Variants in HSPA12A observed in about 807,000 individuals in gnomAD.
The protein encoded by HSPA12A is heat shock 70 kDa protein 12A.
HSPA12A carries 28 observed loss-of-function variants against 69.2 expected under a neutral mutation model. The ratio of observed to expected loss-of-function variants is 0.40; its 90% CI spans 0.30 to 0.55. The LOEUF (loss-of-function observed/expected upper bound fraction) is 0.55. Among genes scored for constraint, HSPA12A ranks in the 20% least tolerant of loss-of-function variants. The probability of loss-of-function intolerance (pLI) is 0.38; values close to 1 mark genes in which losing one functional copy is unlikely to be tolerated. For synonymous variants in HSPA12A, 345 were observed against 370.5 expected (o/e 0.93, Z 0.79); for missense variants, 686 against 900.7 (o/e 0.76, Z 3.05).
chr10:116,740,914 C>T lies in HSPA12A; in HGVS notation c.40+1516G>A, dbSNP rs532209405. 2.9e-5 allele frequency among the ~76,000 whole-genome samples: 4 copies of T among 138,864 alleles called. No individual in the cohort carries two copies. The South Asian group carries it at 9.1e-4, about 31-fold the overall frequency. 91.1% of individuals were successfully genotyped at this position (138,864 alleles called of 152,430 possible). A position where few individuals can be genotyped will look rare whatever the true frequency, so the allele number is the denominator to read the frequency against. On this transcript the variant is annotated intron_variant, in intron 1 of 11. Transcript: ENST00000369209. Reference sequence around the variant, plus strand: ...AGGCTTTAGCAATTCAACGCCCCTACTTATCGTCCTAAAAATTTTTTTATT... The same window carrying T: ...AGGCTTTAGCAATTCAACGCCCCTATTTATCGTCCTAAAAATTTTTTTATT...
At chr10:116,676,558 G>T in intron 10 of HSPA12A, 56 bp from the exon 11 acceptor site, 2 of 1,311,482 alleles carry the variant, frequency 1.5e-6, no homozygotes, top group Non-Finnish European at 1.1e-6. Context: ...CGATACCCAG[G>T]CTTATCTGCA....
chr10:116,787,973 C>A (rs1844613579), intron 2 of HSPA12A, among the ~76,000 whole-genome samples: 1 of 151,996 alleles, frequency 6.6e-6, no homozygotes. Flanking sequence ...GCCTGAGGGT[C>A]GGGGATAGGA....
intron 2 of HSPA12A, among the ~76,000 whole-genome samples, chr10:116,796,018 G>T (rs1406670855): frequency 6.7e-6 from 1 of 149,992 alleles, no homozygotes; most frequent in East Asian, 2.0e-4. Flanking sequence ...CGTGGTGGTG[G>T]GTGCCTGTAG....
chr10:116,796,950 C>A (rs1401301230), intron 2 of HSPA12A, among the ~76,000 whole-genome samples: 1 of 152,070 alleles, frequency 6.6e-6, no homozygotes, highest in Admixed American at 6.5e-5. Context: ...TTACTTGGGG[C>A]CCCCTCCATT....
At chr10:116,721,007 G>A (rs1850760142) in intron 1 of HSPA12A, among the ~76,000 whole-genome samples, 1 of 152,190 alleles carries the variant, frequency 6.6e-6, no homozygotes, top group African/African-American at 2.4e-5. Flanking sequence ...TTCCATGTCA[G>A]AAGAGAGGAG....
chr10:116,679,373 A>C, intron 10 of HSPA12A, 130 bp downstream of exon 10: 2 of 1,057,224 alleles, frequency 1.9e-6, no homozygotes, highest in South Asian at 3.1e-5. Flanking sequence ...AGAGAAGTTG[A>C]GTCCCTTGCC....
intron 1 of HSPA12A, among the ~76,000 whole-genome samples, chr10:116,732,464 T>C (rs570158996): frequency 6.6e-6 from 1 of 152,224 alleles, no homozygotes; most frequent in East Asian, 1.9e-4. Context: ...GTTACCTTTT[T>C]GGCTTCCTCT....
chr10:116,691,711 G>GCC (rs1465857806), intron 6 of HSPA12A, among the ~76,000 whole-genome samples: 1 of 152,224 alleles, frequency 6.6e-6, no homozygotes, highest in Non-Finnish European at 1.5e-5. Flanking sequence ...CGCCCCTAGT[G>GCC]CCCACAGGGA....
chr10:116,846,331 CTT>C (rs398054763), intron 1 of HSPA12A, among the ~76,000 whole-genome samples: 2 of 140,626 alleles, frequency 1.4e-5, no homozygotes, highest in Non-Finnish European at 1.6e-5. Flanking sequence ...TTTTTCTTTT[CTT>C]TTTTTTTTTT....
intron 2 of HSPA12A, among the ~76,000 whole-genome samples, chr10:116,815,580 A>T (rs926593677): frequency 6.6e-6 from 1 of 152,332 alleles, no homozygotes; most frequent in Non-Finnish European, 1.5e-5. Flanking sequence ...GTCTCAAAAA[A>T]ATAAATAAGT....
rs74603664 is a variant in HSPA12A, at chr10:116,781,341, C to A, written c.91+53594G>T. On this transcript the variant is annotated intron_variant, in intron 2 of 12. Coordinates refer to the HSPA12A transcript ENST00000635765. ...ATTTCCTCTGGATTCACTCTCTCTA[C>A]TCCCCAATCAGTGCCAATGATGATG... 5.0e-3 allele frequency among the ~76,000 whole-genome samples: 760 copies of A among 152,130 alleles called. 8 individuals are homozygous for A. The highest frequency in any genetic ancestry group is 7.8e-3 in the Non-Finnish European group (530 of 68,030).
intron 2 of HSPA12A, among the ~76,000 whole-genome samples, chr10:116,827,883 G>C (rs529297582): frequency 6.6e-6 from 1 of 152,272 alleles, no homozygotes; most frequent in African/African-American, 2.4e-5. Context: ...GCCAAGTTGC[G>C]AGCTGCTGTC....
intron 2 of HSPA12A, among the ~76,000 whole-genome samples, chr10:116,816,033 G>A (rs927748590): frequency 5.3e-5 from 8 of 152,124 alleles, no homozygotes; most frequent in South Asian, 2.1e-4. Flanking sequence ...CAAAGCCCAC[G>A]CATCCTCTCT....
intron 2 of HSPA12A, among the ~76,000 whole-genome samples, chr10:116,828,508 G>C (rs751338305): frequency 3.9e-5 from 6 of 152,184 alleles, no homozygotes; most frequent in Non-Finnish European, 8.8e-5. Context: ...GGCCATAACA[G>C]ATGAAGTCAT....
At chr10:116,818,331 A>G (rs1324129172) in intron 2 of HSPA12A, among the ~76,000 whole-genome samples, 1 of 152,218 alleles carries the variant, frequency 6.6e-6, no homozygotes, top group Non-Finnish European at 1.5e-5. Context: ...CCCCACAGCC[A>G]GACCTACCCT....
chr10:116,711,445 G>C (rs1850423949), intron 1 of HSPA12A, among the ~76,000 whole-genome samples: 1 of 152,144 alleles, frequency 6.6e-6, no homozygotes, highest in African/African-American at 2.4e-5. Flanking sequence ...TAAAAGACAG[G>C]TTAAAGAAAA....
At chr10:116,681,977 A>G in intron 7 of HSPA12A, 100 bp from the exon 8 acceptor site, 2 of 1,048,234 alleles carry the variant, frequency 1.9e-6, no homozygotes, top group Non-Finnish European at 1.5e-6. Flanking sequence ...AGATTTAGGG[A>G]TGGAACATTA....
rs941979124 is a variant in HSPA12A, at chr10:116,674,538, C to T, written c.*243G>A. ...TTCACCACTTTTGTACCTATGAAAA[C>T]TAGCTGCTCCTCCAGGATCCTTTAA... On this transcript the variant is annotated 3_prime_UTR_variant, in exon 12 of 12. Coordinates refer to ENST00000369209, the MANE Select transcript of HSPA12A (RefSeq NM_025015.3). The T allele has an allele frequency of 1.7e-5, 9 of 544,632 alleles. No individual in the cohort carries two copies. Among genetic ancestry groups the T allele is most frequent in the Admixed American group, 6.3e-5 (2 of 31,634 alleles). 33.7% of individuals were successfully genotyped at this position (544,632 alleles called of 1,614,324 possible). A position where few individuals can be genotyped will look rare whatever the true frequency, so the allele number is the denominator to read the frequency against.
chr10:116,741,892 G>GC (rs1851520244), intron 1 of HSPA12A, among the ~76,000 whole-genome samples: 1 of 152,222 alleles, frequency 6.6e-6, no homozygotes, highest in Non-Finnish European at 1.5e-5. Flanking sequence ...CGCAGCTGCA[G>GC]CCCCCACTCC....
Sources: gnomAD v4.1 joint callset for allele counts (sites outside exome capture counted in the v4.1 genomes callset) on GRCh38, gnomAD v4.1.1 for gene constraint, MANE v1.5 for transcripts, NCBI Gene and HGNC (gene_info 2026-07-23, HGNC 2026-07-21) for gene names.